The following LARGE1 variants were observed in gnomAD, a reference collection of about 807,000 sequenced individuals.
LARGE1 encodes xylosyl- and glucuronyltransferase LARGE1.
Under a neutral mutation model 87.6 loss-of-function variants are expected in LARGE1, and 43 were observed. The observed-to-expected ratio is 0.49, with a 90% confidence interval of 0.38 to 0.63. The LOEUF is 0.63. LARGE1 is among the 30% of genes least tolerant of loss of function. LARGE1 has a pLI of 0.00. For synonymous variants in LARGE1, 434 were observed against 394.6 expected, an observed-to-expected ratio of 1.10 and a Z score of -1.18; for missense variants, 802 against 1,000.2, an observed-to-expected ratio of 0.80 and a Z score of 2.67.
At chr22:33,464,852 C>T (rs1371215637) in intron 6 of LARGE1, among the ~76,000 whole-genome samples, 1 of 150,910 alleles carries the variant, frequency 6.6e-6, no homozygotes, top group Admixed American at 6.7e-5. Flanking sequence ...CGCACACATA[C>T]ACACACACTA....
At chr22:33,090,259 G>A in the LARGE1 span, among the ~76,000 whole-genome samples, 1 of 152,150 alleles carries the variant, frequency 6.6e-6, no homozygotes, top group Non-Finnish European at 1.5e-5. Flanking sequence ...CTGCCCTCAT[G>A]GAGCTTCCAT....
At chr22:33,143,670 C>T in the LARGE1 span, among the ~76,000 whole-genome samples, 1 of 152,048 alleles carries the variant, frequency 6.6e-6, no homozygotes, top group Non-Finnish European at 1.5e-5. Flanking sequence ...AAAAGAAAGA[C>T]ACCTGCTCAA....
At chr22:33,588,605 T>C (rs375425708) in intron 5 of LARGE1, among the ~76,000 whole-genome samples, 10 of 152,182 alleles carry the variant, frequency 6.6e-5, no homozygotes, top group Non-Finnish European at 1.0e-4. Flanking sequence ...AAGTCCAAGT[T>C]GGAAAATTAG....
At chr22:33,155,938 C>T in the LARGE1 span, among the ~76,000 whole-genome samples, 26 of 147,610 alleles carry the variant, frequency 1.8e-4, no homozygotes, top group East Asian at 3.8e-3. Flanking sequence ...AGGTACAGCT[C>T]GGGCTGTTGC....
intron 2 of LARGE1, among the ~76,000 whole-genome samples, chr22:33,683,684 G>C (rs1490742937): frequency 6.6e-6 from 1 of 152,162 alleles, no homozygotes; most frequent in African/African-American, 2.4e-5. Flanking sequence ...GATGGAGATA[G>C]AGGAAAACTG....
intron 10 of LARGE1, among the ~76,000 whole-genome samples, chr22:33,328,833 C>A (rs145289160): frequency 9.9e-5 from 15 of 152,166 alleles, no homozygotes; most frequent in African/African-American, 2.9e-4. Context: ...GACCTGGTTT[C>A]TAATCACGGC....
chr22:33,205,678 T>C (rs572322086), intron 11 of LARGE1, among the ~76,000 whole-genome samples: 5 of 152,288 alleles, frequency 3.3e-5, no homozygotes, highest in South Asian at 2.1e-4. Flanking sequence ...AGCAAAAAAA[T>C]TGGACATTTC....
the LARGE1 span, among the ~76,000 whole-genome samples, chr22:33,101,250 T>C: frequency 3.3e-5 from 5 of 152,306 alleles, no homozygotes; most frequent in East Asian, 1.9e-4. Flanking sequence ...TCATAACTTA[T>C]GGCAGGTGCA....
At chr22:33,286,575 C>T (rs978080194) in intron 12 of LARGE1, among the ~76,000 whole-genome samples, 7 of 152,290 alleles carry the variant, frequency 4.6e-5, no homozygotes, top group Admixed American at 1.3e-4. Flanking sequence ...TTCATATAAA[C>T]GTCTCGAGAT....
chr22:33,841,011 T>A (rs2146412655), intron 1 of LARGE1, among the ~76,000 whole-genome samples: 1 of 152,332 alleles, frequency 6.6e-6, no homozygotes, highest in East Asian at 1.9e-4. Flanking sequence ...GTTTTTCATT[T>A]TCAGTACAGT....
the LARGE1 span, among the ~76,000 whole-genome samples, chr22:33,070,482 C>T: frequency 6.6e-6 from 1 of 152,096 alleles, no homozygotes; most frequent in Non-Finnish European, 1.5e-5. Context: ...GCAAGTGATG[C>T]TTTTAAAATC....
chr22:33,324,960 A>G (rs1183432076), intron 10 of LARGE1, among the ~76,000 whole-genome samples: 5 of 152,212 alleles, frequency 3.3e-5, no homozygotes, highest in African/African-American at 1.2e-4. Flanking sequence ...TAAGACTCAC[A>G]TCAACTCTAC....
chr22:33,917,947 T>C (rs1436891486), intron 1 of LARGE1, among the ~76,000 whole-genome samples: 1 of 152,112 alleles, frequency 6.6e-6, no homozygotes, highest in African/African-American at 2.4e-5. Flanking sequence ...CCTGGTGTTT[T>C]CTTCTTCGAT....
At chr22:33,663,910 G>C (rs1048539295) in intron 2 of LARGE1, among the ~76,000 whole-genome samples, 28 of 152,260 alleles carry the variant, frequency 1.8e-4, no homozygotes, top group Admixed American at 6.5e-4. Context: ...AATTACCATG[G>C]ACCCTCCAAC....
At chr22:33,455,293 T>C (rs2068086369) in intron 6 of LARGE1, among the ~76,000 whole-genome samples, 1 of 152,218 alleles carries the variant, frequency 6.6e-6, no homozygotes, top group Non-Finnish European at 1.5e-5. Flanking sequence ...TTCCACCACC[T>C]GGGCTGGGTG....
At chr22:33,845,246 T>C (rs980194653) in intron 1 of LARGE1, among the ~76,000 whole-genome samples, 10 of 152,182 alleles carry the variant, frequency 6.6e-5, no homozygotes, top group Admixed American at 1.3e-4. Flanking sequence ...ATCATCTTTG[T>C]AGCATCACAT....
At chr22:33,627,230 A>C (rs80205032) in intron 3 of LARGE1, among the ~76,000 whole-genome samples, 2,407 of 152,320 alleles carry the variant, frequency 0.016, 63 homozygotes, top group African/African-American at 0.055. Context: ...TTCCTCCTGC[A>C]TCATAGCAGT....
chr22:33,494,397 G>A (rs762422946), intron 6 of LARGE1, among the ~76,000 whole-genome samples: 5 of 152,218 alleles, frequency 3.3e-5, no homozygotes, highest in Non-Finnish European at 7.3e-5. Flanking sequence ...AAGTGACTGA[G>A]CTGCTTCTAA....
chr22:33,654,366 GA>G (rs1418301910), intron 2 of LARGE1, among the ~76,000 whole-genome samples: 2 of 152,160 alleles, frequency 1.3e-5, no homozygotes, highest in Admixed American at 1.3e-4. Context: ...TTTGCCTTCT[GA>G]AAGGCGGGGC....
Sources: gnomAD v4.1 joint callset for allele counts (sites outside exome capture counted in the v4.1 genomes callset) on GRCh38, gnomAD v4.1.1 for gene constraint, MANE v1.5 for transcripts, NCBI Gene and HGNC (gene_info 2026-07-23, HGNC 2026-07-21) for gene names.